Variants in SNRK observed in about 807,000 individuals in gnomAD.
The protein encoded by SNRK is SNF related kinase.
SNRK carries 3 observed loss-of-function variants against 48.2 expected under a neutral mutation model. The observed-to-expected ratio is 0.06, with a 90% CI of 0.03 to 0.16. SNRK has a LOEUF of 0.16. Among genes scored for constraint, SNRK ranks in the 10% least tolerant of loss-of-function variants. The pLI is 1.00. For synonymous variants in SNRK, 376 were observed against 366.1 expected, an observed-to-expected ratio of 1.03 and a Z score of -0.31; for missense variants, 627 against 976.0, an observed-to-expected ratio of 0.64 and a Z score of 4.76.
chr3:43,324,413 G>A (rs993701127), intron 3 of SNRK, among the ~76,000 whole-genome samples: 87 of 152,056 alleles, frequency 5.7e-4, no homozygotes, highest in Non-Finnish European at 9.0e-4. Context: ...GGAGGCTGAG[G>A]CAGAAGAATC....
intron 3 of SNRK, among the ~76,000 whole-genome samples, chr3:43,304,649 A>G (rs1206715869): frequency 6.6e-6 from 1 of 152,054 alleles, no homozygotes; most frequent in Non-Finnish European, 1.5e-5. Context: ...CAGCTTTTTA[A>G]TTTGTTAATC....
chr3:43,289,086 C>G (rs1481962522), intron 1 of SNRK, among the ~76,000 whole-genome samples: 1 of 152,136 alleles, frequency 6.6e-6, no homozygotes, highest in African/African-American at 2.4e-5. Context: ...TTAGAAGCTA[C>G]TGGGGAACAC....
In SNRK at chr3:43,303,311, C is replaced by T. The variant is rs1473055734; in HGVS notation, c.108C>T (p.Val36=). 6.2e-7 allele frequency: 1 copy of T among 1,613,984 alleles called. No homozygotes were observed. The highest frequency in any genetic ancestry group is 8.5e-7 in the Non-Finnish European group (1 of 1,180,014). Residue 36 remains valine, a synonymous_variant, in exon 3 of 7, where the codon GTC becomes GTT. Transcript: ENST00000296088. The surrounding 1 kb of genome is among the most constrained non-coding windows in gnomAD (Gnocchi z 6.2). ...HFAVVKLARH[V]FTGEKVAVKV... is the part of the protein sequence containing the mutation. ...CCGTGGTTAAACTTGCCAGGCATGTCTTTACGGGTGAAAAGGTGGCAGTAA... is the reference window on the plus strand; with the variant it reads ...CCGTGGTTAAACTTGCCAGGCATGTTTTTACGGGTGAAAAGGTGGCAGTAA...
At chr3:43,296,423 T>TACACATAC (rs2090854794) in intron 1 of SNRK, among the ~76,000 whole-genome samples, 1 of 143,654 alleles carries the variant, frequency 7.0e-6, no homozygotes, top group African/African-American at 2.6e-5. Context: ...GGCATATATA[T>TACACATAC]ATATATATAT....
chr3:43,296,434 G>GTATATA (rs1429296694), intron 1 of SNRK, among the ~76,000 whole-genome samples: 2 of 29,084 alleles, frequency 6.9e-5, no homozygotes, highest in Non-Finnish European at 1.7e-4. Flanking sequence ...ATATATATAT[G>GTATATA]TATATATATA....
chr3:43,299,519 A>G (rs1017331140), intron 1 of SNRK, among the ~76,000 whole-genome samples: 2 of 151,964 alleles, frequency 1.3e-5, no homozygotes, highest in African/African-American at 2.4e-5. Context: ...AATTTTTCTG[A>G]CCTGTCTACC....
chr3:43,323,034 C>G (rs961653477), intron 3 of SNRK, among the ~76,000 whole-genome samples: 26 of 149,598 alleles, frequency 1.7e-4, no homozygotes, highest in African/African-American at 6.2e-4. Context: ...AATAAACCTA[C>G]ACATATGTGG....
At chr3:43,313,633 CAT>C in intron 3 of SNRK, among the ~76,000 whole-genome samples, 1 of 152,224 alleles carries the variant, frequency 6.6e-6, no homozygotes, top group African/African-American at 2.4e-5. Context: ...GAAATCTCCA[CAT>C]GTGATAAAAA....
intron 3 of SNRK, among the ~76,000 whole-genome samples, chr3:43,314,045 A>G (rs1278712238): frequency 6.6e-6 from 1 of 152,224 alleles, no homozygotes; most frequent in Non-Finnish European, 1.5e-5. Flanking sequence ...CATTCTAACA[A>G]ATATCAGTCT....
At position 43,348,365 on chromosome 3, in the gene SNRK, C is replaced by T. The variant is rs755406521; in HGVS notation, c.2106C>T (p.Gly702=). 1.4e-5 allele frequency: 23 copies of T among 1,606,598 alleles called. No individual in the cohort carries two copies. The Middle Eastern group carries it at 6.7e-4, about 47-fold the overall frequency. The change falls in exon 7 of 7, where the codon GGC becomes GGT. Residue 702 remains glycine (G), a synonymous_variant. Coordinates refer to ENST00000296088, the MANE Select transcript of SNRK (RefSeq NM_017719.5). The part of the protein sequence containing the change: ...TGNAGQVPAV[G]GIKFFSDHMA... ...ATGCAGGGCAGGTCCCTGCAGTGGGCGGCATAAAGTTTTTCTCTGACCACA... is the reference window on the plus strand; with the variant it reads ...ATGCAGGGCAGGTCCCTGCAGTGGGTGGCATAAAGTTTTTCTCTGACCACA...
rs71083066 is a variant in SNRK at position 43,339,818 on chromosome 3, A to AAT, written c.732-414_732-413dup. On this transcript the variant is annotated intron_variant, in intron 4 of 6. Coordinates refer to ENST00000296088, the MANE Select transcript of SNRK (RefSeq NM_017719.5). The stretch of plus-strand genomic sequence containing the variant: ...CAATGGAGTGGGACTCCATTTCCAA[A>AAT]ATATATATATATATATATATATATA... Among the ~76,000 whole-genome samples the AAT allele has an allele frequency of 4.6e-3, 304 of 66,476 alleles. 2 individuals carry two copies. Among genetic ancestry groups the AAT allele is most frequent in the Non-Finnish European group, 6.1e-3 (196 of 32,000 alleles). The allele number at this position is 66,476 out of a possible 152,430, so 43.6% of individuals were successfully genotyped here. A position where few individuals can be genotyped will look rare whatever the true frequency, so the allele number is the denominator to read the frequency against.
chr3:43,348,197 C>T lies in SNRK; in HGVS notation c.1938C>T (p.Ser646=), dbSNP rs980792718. The change falls in exon 7 of 7, where the codon AGC becomes AGT. Residue 646 remains serine, a synonymous_variant. Transcript: ENST00000296088. ...ASRSAGELVE[S]LKLMSLCLGS... is the part of the protein sequence containing the mutation. ...GCAGTGCTGGGGAGCTCGTTGAGAG[C>T]CTCAAACTCATGAGCCTCTGCCTCG... 1.9e-6 allele frequency: 3 copies of T among 1,605,036 alleles called. No homozygotes were observed. The highest frequency in any genetic ancestry group is 2.7e-5 in the African/African-American group (2 of 74,664).
chr3:43,317,083 A>G (rs953578543), intron 3 of SNRK, among the ~76,000 whole-genome samples: 4 of 152,224 alleles, frequency 2.6e-5, no homozygotes, highest in East Asian at 1.9e-4. Flanking sequence ...TAAAATGACA[A>G]AAGTGCACAA....
At chr3:43,346,737 C>G (rs1022755833) in intron 6 of SNRK, among the ~76,000 whole-genome samples, 2 of 151,956 alleles carry the variant, frequency 1.3e-5, no homozygotes, top group Non-Finnish European at 1.5e-5. Flanking sequence ...AGAGTGAGAC[C>G]CTGTCTCAAA....
chr3:43,336,107 CCTA>C (rs934877866), intron 4 of SNRK, among the ~76,000 whole-genome samples: 13 of 151,872 alleles, frequency 8.6e-5, no homozygotes, highest in Non-Finnish European at 1.6e-4. Flanking sequence ...TTATGTTTGT[CCTA>C]CTTCAGTTTT....
At chr3:43,331,684 TTTAA>T (rs1339431180) in intron 3 of SNRK, among the ~76,000 whole-genome samples, 1 of 152,192 alleles carries the variant, frequency 6.6e-6, no homozygotes, top group Non-Finnish European at 1.5e-5. Flanking sequence ...CTCCTTGAGC[TTTAA>T]TTTTCTTGCG....
At chr3:43,342,881 G>A (rs1398960519) in intron 5 of SNRK, among the ~76,000 whole-genome samples, 1 of 152,228 alleles carries the variant, frequency 6.6e-6, no homozygotes, top group Non-Finnish European at 1.5e-5. Flanking sequence ...TGCAGAGGGA[G>A]TATGAAAATA....
chr3:43,303,708 A>G lies in SNRK; in HGVS notation c.505A>G (p.Lys169Glu). The G allele has an allele frequency of 6.2e-7, 1 of 1,614,078 alleles. No homozygotes were observed. Among genetic ancestry groups the G allele is most frequent in the Non-Finnish European group, 8.5e-7 (1 of 1,180,010 alleles). Residue 169 changes from lysine (K) to glutamate (E), a missense_variant, in exon 3 of 7, where the codon AAG becomes GAG. This residue lies in a region of SNRK where 147 missense variants were observed against 356.8 expected (regional missense o/e 0.41). Transcript: ENST00000296088. The surrounding 1 kb of genome is among the most constrained non-coding windows in gnomAD (Gnocchi z 6.2). ...GTTCAGCAACAAATTTCAACCAGGG[A>G]AGAAGCTCACTACAAGCTGTGGATC... ...FGFSNKFQPG[K>E]KLTTSCGSLA... is the part of the protein sequence containing the mutation.
intron 1 of SNRK, among the ~76,000 whole-genome samples, chr3:43,293,071 A>G (rs1300408695): frequency 6.6e-6 from 1 of 152,144 alleles, no homozygotes; most frequent in Non-Finnish European, 1.5e-5. Flanking sequence ...TCTGTTATTC[A>G]GACTGAAGCA....
Sources: allele counts gnomAD v4.1 joint callset (sites outside exome capture counted in the v4.1 genomes callset), GRCh38; gene constraint gnomAD v4.1.1; regional missense constraint gnomAD v4.1.1; non-coding constraint Gnocchi (gnomAD v3.1); transcripts MANE v1.5; gene names NCBI Gene and HGNC (gene_info 2026-07-23, HGNC 2026-07-21).